PTPRM: variants seen among roughly 807,000 people sequenced by gnomAD.
PTPRM encodes receptor-type tyrosine-protein phosphatase mu.
PTPRM carries 47 observed loss-of-function variants against 186.7 expected under a neutral mutation model. That is an observed-to-expected ratio of 0.25 (90% CI 0.20 to 0.32). The LOEUF (loss-of-function observed/expected upper bound fraction) is 0.32. PTPRM is among the 10% of genes least tolerant of loss of function. The probability of loss-of-function intolerance (pLI) is 1.00; values close to 1 mark genes in which losing one functional copy is unlikely to be tolerated. For missense variants in PTPRM, 1,494 were observed against 1,865.0 expected, an observed-to-expected ratio of 0.80 and a Z score of 3.66; for synonymous variants, 668 against 674.9, an observed-to-expected ratio of 0.99 and a Z score of 0.16.
intron 7 of PTPRM, among the ~76,000 whole-genome samples, chr18:8,036,979 T>C (rs1277901462): frequency 6.6e-6 from 1 of 152,208 alleles, no homozygotes; most frequent in African/African-American, 2.4e-5. Context: ...ATGAACTTCC[T>C]CTGCTTCTGA....
At chr18:8,277,354 T>G (rs1054986168) in intron 19 of PTPRM, among the ~76,000 whole-genome samples, 5 of 152,256 alleles carry the variant, frequency 3.3e-5, no homozygotes, top group African/African-American at 1.2e-4. Context: ...GTGTTGTTTG[T>G]ATAACTTTGA....
chr18:8,329,092 T>C (rs1333908806), intron 22 of PTPRM, among the ~76,000 whole-genome samples: 1 of 152,190 alleles, frequency 6.6e-6, no homozygotes, highest in Non-Finnish European at 1.5e-5. Flanking sequence ...ATAAATGATG[T>C]CCTGTTGTTA....
At chr18:7,873,855 A>G (rs567264671) in intron 2 of PTPRM, among the ~76,000 whole-genome samples, 9 of 152,358 alleles carry the variant, frequency 5.9e-5, no homozygotes, top group Non-Finnish European at 1.2e-4. Context: ...TCAATAAATC[A>G]AAACCCTGGA....
intron 7 of PTPRM, among the ~76,000 whole-genome samples, chr18:7,972,835 G>A (rs139713787): frequency 7.2e-5 from 11 of 152,124 alleles, no homozygotes; most frequent in African/African-American, 1.9e-4. Flanking sequence ...AATCATCATC[G>A]TTAATCCTTT....
At chr18:8,311,882 C>T (rs1169747410) in intron 20 of PTPRM, among the ~76,000 whole-genome samples, 1 of 152,194 alleles carries the variant, frequency 6.6e-6, no homozygotes, top group Admixed American at 6.5e-5. Flanking sequence ...ATAGCCTGAG[C>T]AGCCCATGGG....
intron 1 of PTPRM, among the ~76,000 whole-genome samples, chr18:7,650,451 C>T (rs1327494529): frequency 2.1e-5 from 3 of 143,610 alleles, no homozygotes; most frequent in Non-Finnish European, 4.6e-5. Flanking sequence ...AAATCCCCCC[C>T]CCCCCCACTG....
chr18:7,577,701 G>A (rs2036724994), intron 1 of PTPRM, among the ~76,000 whole-genome samples: 1 of 152,092 alleles, frequency 6.6e-6, no homozygotes, highest in African/African-American at 2.4e-5. Context: ...CTGAAGTCTT[G>A]AACACCAAAT....
intron 14 of PTPRM, among the ~76,000 whole-genome samples, chr18:8,237,115 A>C (rs963054900): frequency 2.6e-5 from 4 of 152,228 alleles, no homozygotes; most frequent in African/African-American, 7.2e-5. Flanking sequence ...ACCACTTCAC[A>C]GGTAGTGAAA....
rs941401039 is a variant in PTPRM at position 8,374,308 on chromosome 18, C to T, written c.3172-1738C>T. Reference sequence around the variant, plus strand: ...TAGAGAGAGAAGCACACCCCATGCTCCCACTCCCCAAAAACCCCACACCCC... The same window carrying T: ...TAGAGAGAGAAGCACACCCCATGCTTCCACTCCCCAAAAACCCCACACCCC... On this transcript the variant is annotated intron_variant, in intron 24 of 32. Transcript: ENST00000580170. 2.0e-5 allele frequency among the ~76,000 whole-genome samples: 3 copies of T among 152,138 alleles called. No homozygotes were observed. The East Asian group carries it at 5.8e-4, about 29-fold the overall frequency.
At chr18:7,577,303 A>G (rs1011036173) in intron 1 of PTPRM, among the ~76,000 whole-genome samples, 48 of 152,316 alleles carry the variant, frequency 3.2e-4, no homozygotes, top group African/African-American at 1.1e-3. Context: ...TAAATCAGTT[A>G]TTGCTATAAA....
chr18:7,619,702 C>A (rs958150907), intron 1 of PTPRM, among the ~76,000 whole-genome samples: 12 of 152,156 alleles, frequency 7.9e-5, no homozygotes, highest in Non-Finnish European at 1.5e-4. Context: ...GTCCAATGAA[C>A]AGGTGGGCAG....
chr18:8,308,647 A>C (rs780846699), intron 20 of PTPRM, among the ~76,000 whole-genome samples: 5 of 152,184 alleles, frequency 3.3e-5, no homozygotes, highest in Non-Finnish European at 7.3e-5. Context: ...CACAATTAGG[A>C]TTAGCCTCAT....
intron 7 of PTPRM, among the ~76,000 whole-genome samples, chr18:7,966,584 G>A (rs183861655): frequency 1.4e-5 from 2 of 145,696 alleles, no homozygotes; most frequent in African/African-American, 2.5e-5. Context: ...AGTGGGCTCA[G>A]GTCAGTGGGT....
intron 14 of PTPRM, among the ~76,000 whole-genome samples, chr18:8,145,739 T>A (rs1289203198): frequency 6.6e-6 from 1 of 152,184 alleles, no homozygotes; most frequent in East Asian, 1.9e-4. Context: ...CAATTGATGG[T>A]CATTTAGGTT....
intron 4 of PTPRM, among the ~76,000 whole-genome samples, chr18:7,922,491 A>G (rs886570169): frequency 5.3e-5 from 8 of 152,154 alleles, no homozygotes; most frequent in African/African-American, 1.9e-4. Context: ...ATTTTTTCCA[A>G]TGTAGAAATT....
chr18:7,590,155 C>T (rs1348218356), intron 1 of PTPRM, among the ~76,000 whole-genome samples: 2 of 152,124 alleles, frequency 1.3e-5, no homozygotes, highest in Non-Finnish European at 2.9e-5. Flanking sequence ...AACGCACTAC[C>T]GAAGAAAATG....
intron 19 of PTPRM, among the ~76,000 whole-genome samples, chr18:8,274,015 C>T (rs2094804196): frequency 6.6e-6 from 1 of 152,202 alleles, no homozygotes; most frequent in South Asian, 2.1e-4. Context: ...TGCTTGAAAC[C>T]ATTGTCACTG....
intron 1 of PTPRM, among the ~76,000 whole-genome samples, chr18:7,623,107 T>C (rs762023912): frequency 1.3e-5 from 2 of 152,216 alleles, no homozygotes; most frequent in Non-Finnish European, 2.9e-5. Flanking sequence ...AGTTTGAATT[T>C]TTGGAAATTA....
intron 13 of PTPRM, among the ~76,000 whole-genome samples, chr18:8,135,055 G>A (rs1430866777): frequency 6.6e-6 from 1 of 152,094 alleles, no homozygotes; most frequent in African/African-American, 2.4e-5. Context: ...AAGTTACCCA[G>A]CATATAAAGT....
Sources: allele counts gnomAD v4.1 joint callset (sites outside exome capture counted in the v4.1 genomes callset), GRCh38; gene constraint gnomAD v4.1.1; transcripts MANE v1.5; gene names NCBI Gene and HGNC (gene_info 2026-07-23, HGNC 2026-07-21).